The following CA5A variants were observed in gnomAD, a reference collection of about 807,000 sequenced individuals.
CA5A encodes carbonic anhydrase 5A.
Under a neutral mutation model 37.1 loss-of-function variants are expected in CA5A, and 28 were observed. That is an observed-to-expected ratio of 0.75 (90% CI 0.56 to 1.03). CA5A has a LOEUF of 1.03. Ranked by LOEUF, CA5A falls within the 50% of genes least tolerant of loss-of-function variation. The pLI is 0.00. For missense variants in CA5A, 444 were observed against 399.9 expected (o/e 1.11, Z -0.94); for synonymous variants, 171 against 158.4 (o/e 1.08, Z -0.60).
At chr16:87,912,568 G>A (rs183556530) in intron 2 of CA5A, among the ~76,000 whole-genome samples, 5 of 152,326 alleles carry the variant, frequency 3.3e-5, no homozygotes, top group Non-Finnish European at 5.9e-5. Context: ...CGGGCACCAC[G>A]CTCAGTACAA....
chr16:87,897,218 A>G (rs1334079472), intron 5 of CA5A, among the ~76,000 whole-genome samples: 2 of 152,336 alleles, frequency 1.3e-5, no homozygotes, highest in South Asian at 2.1e-4. Context: ...CCACCTCCAC[A>G]AGGCAGCCAA....
intron 2 of CA5A, among the ~76,000 whole-genome samples, chr16:87,906,426 G>A (rs1188957567): frequency 6.6e-6 from 1 of 152,142 alleles, no homozygotes; most frequent in Non-Finnish European, 1.5e-5. Flanking sequence ...TCAGGAGTTA[G>A]AGACCAGCCT....
chr16:87,917,679 A>C (rs1164199763), intron 2 of CA5A, among the ~76,000 whole-genome samples: 2 of 150,948 alleles, frequency 1.3e-5, no homozygotes, highest in African/African-American at 4.9e-5. Flanking sequence ...ACATGCACAC[A>C]GTGCACAATG....
chr16:87,893,024 C>T (rs1343087015), intron 5 of CA5A: 13 of 1,230,008 alleles, frequency 1.1e-5, no homozygotes, highest in Non-Finnish European at 1.5e-5. Context: ...AGATGGCAGA[C>T]AAGAATGTGC....
chr16:87,921,794 C>T (rs923050908), intron 2 of CA5A, among the ~76,000 whole-genome samples: 2 of 152,218 alleles, frequency 1.3e-5, no homozygotes, highest in East Asian at 1.9e-4. Context: ...ATTCTTGGAT[C>T]TGCCTTGCAC....
intron 6 of CA5A, among the ~76,000 whole-genome samples, chr16:87,891,371 G>C (rs1340493783): frequency 1.3e-5 from 2 of 151,756 alleles, no homozygotes; most frequent in Non-Finnish European, 2.9e-5. Flanking sequence ...GGGAGGCTGA[G>C]GCAGGAGAAT....
At chr16:87,913,674 C>T (rs1407427489) in intron 2 of CA5A, among the ~76,000 whole-genome samples, 2 of 143,472 alleles carry the variant, frequency 1.4e-5, no homozygotes, top group Non-Finnish European at 3.0e-5. Flanking sequence ...CTCTCCAATA[C>T]GAAGAGCCCA....
chr16:87,922,960 A>G (rs1045450259), intron 2 of CA5A, among the ~76,000 whole-genome samples: 2 of 152,108 alleles, frequency 1.3e-5, no homozygotes, highest in Non-Finnish European at 2.9e-5. Flanking sequence ...ATCTCCCACG[A>G]CTGTTGAAAG....
chr16:87,928,312 C>T (rs2056342383), intron 1 of CA5A, among the ~76,000 whole-genome samples: 1 of 152,134 alleles, frequency 6.6e-6, no homozygotes, highest in Non-Finnish European at 1.5e-5. Flanking sequence ...TGCAGGTAAA[C>T]ACCACCATGC....
At chr16:87,883,565 C>T (rs2055625730), downstream of CA5A, 1 of 151,528 alleles carries the variant, frequency 6.6e-6, no homozygotes, top group South Asian at 2.1e-4. Context: ...CTCCTGACCT[C>T]ATGATCTACC....
chr16:87,920,470 C>T (rs759409058), intron 2 of CA5A, among the ~76,000 whole-genome samples: 35 of 151,636 alleles, frequency 2.3e-4, no homozygotes, highest in Non-Finnish European at 4.0e-4. Flanking sequence ...CCACCACGCT[C>T]GGCTAATTTT....
At chr16:87,932,540 T>A (rs1245285629) in intron 1 of CA5A, among the ~76,000 whole-genome samples, 1 of 152,228 alleles carries the variant, frequency 6.6e-6, no homozygotes, top group Admixed American at 6.5e-5. Context: ...CCGACCCTGG[T>A]GCCCAGCAAC....
chr16:87,909,496 G>A (rs1390743532), intron 2 of CA5A, among the ~76,000 whole-genome samples: 1 of 152,252 alleles, frequency 6.6e-6, no homozygotes, highest in Non-Finnish European at 1.5e-5. Flanking sequence ...GGGAACAGCA[G>A]GTGCAGGGGC....
chr16:87,882,045 C>G (rs1039959466), intron 4 of CA5A: 1 of 152,194 alleles, frequency 6.6e-6, no homozygotes. Context: ...CCCAGGGCCC[C>G]TCTGGCCGCT....
intron 2 of CA5A, among the ~76,000 whole-genome samples, chr16:87,917,285 T>G (rs2056159527): frequency 6.6e-6 from 1 of 152,110 alleles, no homozygotes; most frequent in Non-Finnish European, 1.5e-5. Context: ...CAGAGCCTCT[T>G]CCTCAGTCCC....
In CA5A at chr16:87,888,945, G is replaced by C. The variant is rs111328836; in HGVS notation, c.775-673C>G. ...TTTTTTTTTTTTTTTTTGAGATGGA[G>C]TTTCGCTCCTGTTGCCCAGACTGGA... is the stretch of plus-strand genomic sequence containing the variant. On this transcript the variant is annotated intron_variant, in intron 6 of 6. Transcript: ENST00000649794. Among the ~76,000 whole-genome samples, 3 of 147,508 alleles carry C rather than the reference G, an allele frequency of 2.0e-5. No homozygotes were observed. The East Asian group carries it at 5.9e-4, about 29-fold the overall frequency.
intron 5 of CA5A, among the ~76,000 whole-genome samples, chr16:87,896,271 G>T (rs1428317293): frequency 2.6e-5 from 4 of 152,150 alleles, no homozygotes; most frequent in Non-Finnish European, 4.4e-5. Flanking sequence ...GGAGTGGCAG[G>T]CTCCAGCCAT....
At chr16:87,924,656 G>A (rs1021034561) in intron 2 of CA5A, among the ~76,000 whole-genome samples, 6 of 152,368 alleles carry the variant, frequency 3.9e-5, no homozygotes, top group Admixed American at 2.0e-4. Flanking sequence ...AAGCTGGGAC[G>A]CAGCTGGGCA....
At chr16:87,886,461 T>C (rs981518934), downstream of CA5A, 1 of 152,236 alleles carries the variant, frequency 6.6e-6, no homozygotes, top group African/African-American at 2.4e-5. Flanking sequence ...TTACCTTTCC[T>C]GTTTAGATCT....
Sources: gnomAD v4.1 joint callset for allele counts (sites outside exome capture counted in the v4.1 genomes callset) on GRCh38, gnomAD v4.1.1 for gene constraint, MANE v1.5 for transcripts, NCBI Gene and HGNC (gene_info 2026-07-23, HGNC 2026-07-21) for gene names.